BCCIP: variants seen among roughly 807,000 people sequenced by gnomAD.
BCCIP encodes the protein BRCA2 and CDKN1A-interacting protein.
A neutral mutation model predicts 32.8 loss-of-function variants in BCCIP; 23 were observed. The ratio of observed to expected loss-of-function variants is 0.70; its 90% confidence interval spans 0.51 to 0.99. The LOEUF (loss-of-function observed/expected upper bound fraction) is 0.99, where lower values mean the gene tolerates loss of function less well. Ranked by LOEUF, BCCIP falls within the 50% of genes least tolerant of loss-of-function variation. The probability of loss-of-function intolerance (pLI) is 0.00; values close to 1 mark genes in which losing one functional copy is unlikely to be tolerated. For missense variants in BCCIP, 378 were observed against 379.8 expected, an observed-to-expected ratio of 1.00 and a Z score of 0.04; for synonymous variants, 144 against 137.6, an observed-to-expected ratio of 1.05 and a Z score of -0.33.
At chr10:125,833,138 A>G (rs970895155) in intron 5 of BCCIP, among the ~76,000 whole-genome samples, 1 of 142,480 alleles carries the variant, frequency 7.0e-6, no homozygotes. Flanking sequence ...CGAAAAAAAG[A>G]AAAAAAAAAA....
downstream of BCCIP, among the ~76,000 whole-genome samples, chr10:125,845,014 C>T (rs980331540): frequency 9.2e-5 from 14 of 152,182 alleles, no homozygotes; most frequent in Admixed American, 2.6e-4. Flanking sequence ...CAATATGTGC[C>T]TGCATTTTCC....
rs1368391809 is a variant in BCCIP at position 125,835,599 on chromosome 10, C to CA, written c.775-497dup. Among the ~76,000 whole-genome samples the CA allele has an allele frequency of 1.6e-4, 24 of 149,288 alleles. No homozygotes were observed. In the South Asian group the frequency reaches 2.3e-3, roughly 14 times the overall value. On this transcript the variant is annotated intron_variant, in intron 6 of 6. Transcript: ENST00000278100. ...GTCTCAAAAAAAAAAAACAAACAAA[C>CA]AAAAAAAACAAAACCATATGCTTCA...
exon 7 of BCCIP, chr10:125,842,036 C>T (rs1306850852): frequency 4.4e-6 from 6 of 1,360,478 alleles, no homozygotes; most frequent in Non-Finnish European, 5.7e-6. Flanking sequence ...AAACAATGGA[C>T]AAAATATGTG....
intron 1 of BCCIP, among the ~76,000 whole-genome samples, chr10:125,825,010 C>G (rs1050771198): frequency 5.9e-5 from 9 of 152,252 alleles, no homozygotes; most frequent in Non-Finnish European, 1.3e-4. Flanking sequence ...TCTTCCTTCC[C>G]TTACAAATTT....
chr10:125,848,378 A>G (rs1414260616), intron 7 of BCCIP, among the ~76,000 whole-genome samples: 1 of 152,168 alleles, frequency 6.6e-6, no homozygotes, highest in Admixed American at 6.5e-5. Context: ...TCTCATTTGT[A>G]CCTCTAAATA....
intron 3 of BCCIP, among the ~76,000 whole-genome samples, chr10:125,828,367 G>C (rs1421495525): frequency 6.6e-6 from 1 of 152,132 alleles, no homozygotes; most frequent in Non-Finnish European, 1.5e-5. Context: ...CTTGGGAGTT[G>C]GTCGTAAATG....
rs1449664088 is a variant in BCCIP at position 125,836,390 on chromosome 10, G to C, written c.*116G>C. ...ATTAAGTTCCTCTACAAAAAGTAGG[G>C]TTCTGTCCCATGTGTCTCTGACACA... On this transcript the variant is annotated 3_prime_UTR_variant, in exon 7 of 7. Coordinates refer to ENST00000278100, the MANE Select transcript of BCCIP (RefSeq NM_078468.3). 11 of 1,538,998 alleles carry C rather than the reference G, an allele frequency of 7.1e-6. No homozygotes were observed. In the African/African-American group the frequency reaches 8.4e-5, roughly 12 times the overall value.
intron 7 of BCCIP, among the ~76,000 whole-genome samples, chr10:125,849,997 T>C (rs1309229156): frequency 6.6e-6 from 1 of 152,098 alleles, no homozygotes; most frequent in African/African-American, 2.4e-5. Flanking sequence ...ACCAGGGTCT[T>C]GCTCTGTCAC....
downstream of BCCIP, chr10:125,839,311 G>A: frequency 1.1e-6 from 1 of 948,734 alleles, no homozygotes; most frequent in Non-Finnish European, 1.5e-6. Context: ...GGCCACGTAG[G>A]TGAGTGGCAG....
At chr10:125,841,387 A>G (rs528804025), downstream of BCCIP, 3 of 1,610,166 alleles carry the variant, frequency 1.9e-6, no homozygotes, top group African/African-American at 2.7e-5. Context: ...AGGATGAATG[A>G]AGCCAATAGG....
exon 7 of BCCIP, chr10:125,842,679 A>C (rs182840541): frequency 3.8e-6 from 1 of 266,186 alleles, no homozygotes; most frequent in Admixed American, 6.5e-5. Flanking sequence ...AGAGGCATGA[A>C]AAGCAGGAAA....
At chr10:125,843,331 A>C (rs1402493734), downstream of BCCIP, among the ~76,000 whole-genome samples, 1 of 152,098 alleles carries the variant, frequency 6.6e-6, no homozygotes, top group Non-Finnish European at 1.5e-5. Context: ...TCTATGTCTA[A>C]ATTTCAGGCA....
At chr10:125,833,503 T>G (rs572783571) in intron 5 of BCCIP, among the ~76,000 whole-genome samples, 89 of 152,372 alleles carry the variant, frequency 5.8e-4, no homozygotes, top group African/African-American at 2.1e-3. Context: ...TGAGTGAATT[T>G]GAGACTCATC....
At chr10:125,852,793 A>T in intron 7 of BCCIP, 1 of 752,006 alleles carries the variant, frequency 1.3e-6, no homozygotes, top group Non-Finnish European at 2.1e-6. Flanking sequence ...TTATTGTTTC[A>T]CTTGCCTTGA....
chr10:125,845,729 C>A (rs1401558010), downstream of BCCIP, among the ~76,000 whole-genome samples: 1 of 152,266 alleles, frequency 6.6e-6, no homozygotes, highest in African/African-American at 2.4e-5. Flanking sequence ...TCCCTGCCCA[C>A]TGGCGGGAGC....
At chr10:125,824,340 A>G (rs1040115033) in intron 1 of BCCIP, among the ~76,000 whole-genome samples, 2 of 152,194 alleles carry the variant, frequency 1.3e-5, no homozygotes, top group Non-Finnish European at 2.9e-5. Flanking sequence ...CAATATAGGT[A>G]CTTATTATTT....
At chr10:125,847,516 C>T (rs892161552), downstream of BCCIP, among the ~76,000 whole-genome samples, 1 of 152,150 alleles carries the variant, frequency 6.6e-6, no homozygotes, top group East Asian at 1.9e-4. Flanking sequence ...CTACTGTGTG[C>T]CAGGTACATG....
chr10:125,829,091 C>T (rs1410519078), intron 3 of BCCIP, among the ~76,000 whole-genome samples: 2 of 152,104 alleles, frequency 1.3e-5, no homozygotes, highest in African/African-American at 2.4e-5. Context: ...TTGATCCCAC[C>T]ACTCCATGAG....
chr10:125,827,583 C>T lies in BCCIP; in HGVS notation c.266C>T (p.Thr89Ile). ...QQLFLKAPVN[T>I]AELTDLLIQQ... Reference sequence around the variant, plus strand: ...CTTTTTCTAAAGGCTCCTGTGAACACTGCAGAACTAACAGATCTCTTAATT... The same window carrying T: ...CTTTTTCTAAAGGCTCCTGTGAACATTGCAGAACTAACAGATCTCTTAATT... The change falls in exon 3 of 7, where the codon ACT becomes ATT. Residue 89 changes from threonine to isoleucine, a missense_variant. Physicochemically the swap from Thr to Ile is moderately conservative, Grantham distance 89. Coordinates refer to ENST00000278100, the MANE Select transcript of BCCIP (RefSeq NM_078468.3). 1 of 1,612,986 alleles carries T rather than the reference C, an allele frequency of 6.2e-7. No homozygotes were observed. Among genetic ancestry groups the T allele is most frequent in the East Asian group, 2.2e-5 (1 of 44,862 alleles).
Sources: gnomAD v4.1 joint callset for allele counts (sites outside exome capture counted in the v4.1 genomes callset) on GRCh38, gnomAD v4.1.1 for gene constraint, MANE v1.5 for transcripts, NCBI Gene and HGNC (gene_info 2026-07-23, HGNC 2026-07-21) for gene names.